DNAH9: variants seen among roughly 807,000 people sequenced by gnomAD.
DNAH9 encodes dynein axonemal heavy chain 9.
In DNAH9, 345 loss-of-function variants were observed where a neutral mutation model predicts 471.6. The observed-to-expected ratio is 0.73, with a 90% CI of 0.67 to 0.80. The LOEUF is 0.80. DNAH9 is among the 30% of genes least tolerant of loss of function. The probability of loss-of-function intolerance (pLI) is 0.00; values close to 1 mark genes in which losing one functional copy is unlikely to be tolerated. For missense variants in DNAH9, 5,407 were observed against 5,609.2 expected (o/e 0.96, Z 1.15); for synonymous variants, 2,093 against 2,123.6 (o/e 0.99, Z 0.40).
intron 61 of DNAH9, 107 bp from the exon 62 acceptor site, chr17:11,923,707 C>A: frequency 2.2e-6 from 3 of 1,390,104 alleles, no homozygotes; most frequent in African/African-American, 1.4e-5. Context: ...TAGATTTGGG[C>A]ATGCCCGTGT....
intron 50 of DNAH9, among the ~76,000 whole-genome samples, chr17:11,862,757 T>C (rs1971906423): frequency 1.3e-5 from 2 of 152,160 alleles, no homozygotes; most frequent in South Asian, 4.1e-4. Context: ...GTTGGATTCC[T>C]AGGTATTTTA....
At chr17:11,942,192 G>A (rs1974941488) in intron 66 of DNAH9, 111 bp from the exon 67 acceptor site, 1 of 1,425,722 alleles carries the variant, frequency 7.0e-7, no homozygotes, top group Non-Finnish European at 9.6e-7. Flanking sequence ...AGTGGGTGGA[G>A]GGGCAGCAGA....
chr17:11,902,893 C>A lies in DNAH9; in HGVS notation c.11581C>A (p.Arg3861=). Residue 3861 remains arginine (R), a synonymous_variant, in exon 60 of 69, where the codon CGG becomes AGG. Transcript: ENST00000262442. ...LCMLRAMRPD[R]MTYALRDFVE... Reference sequence around the variant, plus strand: ...CATGCTGAGAGCCATGCGGCCCGACCGGATGACCTATGCTTTGCGGTAGGA... The same window carrying A: ...CATGCTGAGAGCCATGCGGCCCGACAGGATGACCTATGCTTTGCGGTAGGA... 6.2e-7 allele frequency: 1 copy of A among 1,613,504 alleles called. No homozygotes were observed.
intron 26 of DNAH9, among the ~76,000 whole-genome samples, chr17:11,707,093 G>T (rs2074716018): frequency 6.6e-6 from 1 of 152,190 alleles, no homozygotes; most frequent in African/African-American, 2.4e-5. Context: ...ATGCATGGGA[G>T]AAATGATATT....
At chr17:11,914,550 T>C (rs1464115308) in intron 61 of DNAH9, among the ~76,000 whole-genome samples, 1 of 152,168 alleles carries the variant, frequency 6.6e-6, no homozygotes, top group African/African-American at 2.4e-5. Context: ...AAGTAAAAAT[T>C]TGGAATCCTT....
chr17:11,925,860 G>A (rs1011610286), intron 62 of DNAH9, among the ~76,000 whole-genome samples: 2 of 151,860 alleles, frequency 1.3e-5, no homozygotes, highest in African/African-American at 4.8e-5. Flanking sequence ...TTGAATAGAC[G>A]TAATCTGTCC....
Position 11,680,883 on chromosome 17 carries a change from C to T in DNAH9, c.3737C>T (p.Pro1246Leu), listed in dbSNP as rs780948973. 1.1e-5 allele frequency: 18 copies of T among 1,609,946 alleles called. No homozygotes were observed. The highest frequency in any genetic ancestry group is 5.3e-5 in the African/African-American group (4 of 74,804). ...QFWEQFHKEAPFRFDSIHPHQ... is the reference protein window; with the variant it reads ...QFWEQFHKEALFRFDSIHPHQ... ...TGGGAGCAATTCCACAAAGAAGCCC[C>T]GTTCAGGTATGGGCCGAACACTGCT... Residue 1246 changes from proline (P) to leucine (L), a missense_variant, in exon 19 of 69, where the codon CCG becomes CTG. Transcript: ENST00000262442.
intron 26 of DNAH9, among the ~76,000 whole-genome samples, chr17:11,716,066 C>CTTTCTT (rs2074955582): frequency 6.8e-6 from 1 of 147,742 alleles, no homozygotes; most frequent in East Asian, 2.0e-4. Context: ...AATACTGCCT[C>CTTTCTT]TTTCTTTTTC....
chr17:11,878,568 T>C (rs1450738481), intron 53 of DNAH9, among the ~76,000 whole-genome samples: 1 of 152,114 alleles, frequency 6.6e-6, no homozygotes, highest in Non-Finnish European at 1.5e-5. Context: ...TTTGTTTGTT[T>C]GTTTTAAGAC....
chr17:11,896,954 G>A (rs1175972683), intron 59 of DNAH9, among the ~76,000 whole-genome samples: 1 of 152,198 alleles, frequency 6.6e-6, no homozygotes, highest in Non-Finnish European at 1.5e-5. Context: ...GCCGGGTGTG[G>A]TGGCACACAC....
Position 11,689,374 on chromosome 17 carries a change from T to C in DNAH9, c.3744-192T>C, listed in dbSNP as rs2074293848. 2.0e-5 allele frequency among the ~76,000 whole-genome samples: 3 copies of C among 151,712 alleles called. No homozygotes were observed. The South Asian group carries it at 6.2e-4, about 31-fold the overall frequency. On this transcript the variant is annotated intron_variant, in intron 19 of 68. Coordinates refer to ENST00000262442, the MANE Select transcript of DNAH9 (RefSeq NM_001372.4). ...CAGTCTGTCCTGAGTGTGTTTTTTT[T>C]TTTTTCCCAAAAGAAAATCCTGGGA...
chr17:11,963,509 G>T (rs1976420002), intron 68 of DNAH9, among the ~76,000 whole-genome samples: 1 of 151,982 alleles, frequency 6.6e-6, no homozygotes, highest in African/African-American at 2.4e-5. Flanking sequence ...ATTATTAGAG[G>T]GTGTAGGGAG....
At chr17:11,650,719 T>C (rs1432824090) in intron 12 of DNAH9, among the ~76,000 whole-genome samples, 2 of 152,196 alleles carry the variant, frequency 1.3e-5, no homozygotes, top group Non-Finnish European at 2.9e-5. Flanking sequence ...GCCACCACCC[T>C]TGGATGGGAA....
chr17:11,822,410 G>T (rs756581111), intron 46 of DNAH9, 28 bp from the exon 47 acceptor site: 7 of 1,613,128 alleles, frequency 4.3e-6, no homozygotes, highest in Admixed American at 1.7e-5. Context: ...ATGCCTTCCT[G>T]GTTCTCCCCA....
chr17:11,769,072 G>A, intron 37 of DNAH9, 50 bp from the exon 38 acceptor site: 1 of 1,600,286 alleles, frequency 6.2e-7, no homozygotes, highest in South Asian at 1.1e-5. Context: ...TGGTGCATCT[G>A]TTTCTCCCTA....
chr17:11,939,498 G>T (rs1423486969), intron 66 of DNAH9, among the ~76,000 whole-genome samples: 2 of 152,200 alleles, frequency 1.3e-5, no homozygotes, highest in Non-Finnish European at 2.9e-5. Flanking sequence ...GTTACTGGGT[G>T]CACATCTGAT....
intron 50 of DNAH9, 45 bp from the exon 51 acceptor site, chr17:11,869,089 C>T: frequency 6.2e-7 from 1 of 1,603,018 alleles, no homozygotes; most frequent in Non-Finnish European, 8.5e-7. Flanking sequence ...CTGGTAGTTA[C>T]ATGGGCCGAA....
At chr17:11,681,396 A>T (rs747547940) in intron 19 of DNAH9, among the ~76,000 whole-genome samples, 1 of 152,120 alleles carries the variant, frequency 6.6e-6, no homozygotes, top group Non-Finnish European at 1.5e-5. Context: ...AAACAAAGCA[A>T]CTCTAGGATC....
At chr17:11,846,234 TC>T (rs1326475895) in intron 49 of DNAH9, among the ~76,000 whole-genome samples, 112 of 142,984 alleles carry the variant, frequency 7.8e-4, no homozygotes, top group African/African-American at 2.6e-3. Flanking sequence ...TAGCCAGTTT[TC>T]CCAGCACCAT....
Sources: allele counts gnomAD v4.1 joint callset (sites outside exome capture counted in the v4.1 genomes callset), GRCh38; gene constraint gnomAD v4.1.1; transcripts MANE v1.5; gene names NCBI Gene and HGNC (gene_info 2026-07-23, HGNC 2026-07-21).